APP: variants seen among roughly 807,000 people sequenced by gnomAD.
APP encodes the protein amyloid-beta precursor protein.
Under a neutral mutation model 101.4 loss-of-function variants are expected in APP, and 31 were observed. That is an observed-to-expected ratio of 0.31 (90% CI 0.23 to 0.41). APP has a LOEUF of 0.41. Ranked by LOEUF, APP falls within the 10% of genes least tolerant of loss-of-function variation. The probability of loss-of-function intolerance (pLI) is 1.00; values close to 1 mark genes in which losing one functional copy is unlikely to be tolerated. For missense variants in APP, 839 were observed against 1,003.7 expected, an observed-to-expected ratio of 0.84 and a Z score of 2.22; for synonymous variants, 366 against 364.4, an observed-to-expected ratio of 1.00 and a Z score of -0.05.
chr21:26,061,722 G>T (rs1364279282), intron 3 of APP, among the ~76,000 whole-genome samples: 1 of 152,232 alleles, frequency 6.6e-6, no homozygotes, highest in Non-Finnish European at 1.5e-5. Flanking sequence ...CCGGATAATA[G>T]TGAGAACTGA....
chr21:26,166,617 A>G (rs556833932), intron 1 of APP, among the ~76,000 whole-genome samples: 2 of 152,300 alleles, frequency 1.3e-5, no homozygotes, highest in African/African-American at 4.8e-5. Context: ...GAAAAAAAAA[A>G]GATTTCATAA....
At chr21:25,955,796 A>G (rs199865763) in intron 11 of APP, 41 bp from the exon 12 acceptor site, 143 of 1,613,522 alleles carry the variant, frequency 8.9e-5, no homozygotes, top group Admixed American at 1.2e-4. Context: ...AAGTTTGTGC[A>G]AAACACTGCT....
chr21:26,004,311 C>G (rs1256327762), intron 6 of APP, among the ~76,000 whole-genome samples: 1 of 109,540 alleles, frequency 9.1e-6, no homozygotes, highest in Non-Finnish European at 1.7e-5. Flanking sequence ...GAGACAGAGT[C>G]TCGCTCTGTT....
Position 26,168,752 on chromosome 21 carries a change from AG to A in APP, c.57+1811del, listed in dbSNP as rs2063672593. 3.3e-5 allele frequency among the ~76,000 whole-genome samples: 5 copies of A among 152,352 alleles called. No individual in the cohort carries two copies. In the South Asian group the frequency reaches 1.0e-3, roughly 32 times the overall value. ...TCATGAGAGAAATCAGAATTCTCTT[AG>A]TTAAGTGCATTTTTTTAAAACATGG... On this transcript the variant is annotated intron_variant, in intron 1 of 17. Coordinates refer to ENST00000346798, the MANE Select transcript of APP (RefSeq NM_000484.4).
At chr21:26,165,426 T>G (rs1302151845) in intron 1 of APP, among the ~76,000 whole-genome samples, 1 of 152,224 alleles carries the variant, frequency 6.6e-6, no homozygotes, top group Non-Finnish European at 1.5e-5. Context: ...CACAGAAACT[T>G]GCCCATGGTC....
intron 5 of APP, among the ~76,000 whole-genome samples, chr21:26,031,355 T>C (rs543307404): frequency 1.3e-5 from 2 of 152,328 alleles, no homozygotes; most frequent in East Asian, 1.9e-4. Context: ...AGAAGCTGCA[T>C]GCTTCTGGGC....
chr21:26,019,729 T>C (rs548853753), intron 6 of APP, among the ~76,000 whole-genome samples: 103 of 151,056 alleles, frequency 6.8e-4, no homozygotes, highest in African/African-American at 2.2e-3. Flanking sequence ...GGACTTTCAG[T>C]CCCACTGCAG....
At chr21:26,160,686 CAG>C (rs2063471366) in intron 1 of APP, among the ~76,000 whole-genome samples, 1 of 152,048 alleles carries the variant, frequency 6.6e-6, no homozygotes, top group South Asian at 2.1e-4. Context: ...AAGACAATGA[CAG>C]AGAAATTTTC....
chr21:26,010,891 G>A (rs1043527412), intron 6 of APP, among the ~76,000 whole-genome samples: 4 of 151,098 alleles, frequency 2.6e-5, no homozygotes, highest in Non-Finnish European at 5.9e-5. Context: ...GCTGGTCTTG[G>A]TGAGGCACAC....
chr21:26,089,528 T>TTTTTA (rs2061774937), intron 3 of APP: 1 of 113,330 alleles, frequency 8.8e-6, no homozygotes, highest in East Asian at 2.6e-4. Context: ...TTTTTTTTTT[T>TTTTTA]AGAAATTAAC....
chr21:25,993,005 G>C (rs1267381910), intron 8 of APP, among the ~76,000 whole-genome samples: 2 of 152,196 alleles, frequency 1.3e-5, no homozygotes, highest in Admixed American at 1.3e-4. Flanking sequence ...CTGTCTTATG[G>C]CTCCTGTCTT....
intron 1 of APP, among the ~76,000 whole-genome samples, chr21:26,152,999 G>A (rs141960702): frequency 6.3e-4 from 96 of 152,272 alleles, no homozygotes; most frequent in Middle Eastern, 3.4e-3. Flanking sequence ...GCAACAACTT[G>A]GATAGAGCTG....
chr21:25,984,357 A>G (rs564776217), intron 8 of APP, among the ~76,000 whole-genome samples: 28 of 152,340 alleles, frequency 1.8e-4, no homozygotes, highest in African/African-American at 6.5e-4. Context: ...ACAGGATCAC[A>G]AAGTGCAACC....
At chr21:25,998,991 C>T (rs979668395) in intron 7 of APP, among the ~76,000 whole-genome samples, 1 of 152,178 alleles carries the variant, frequency 6.6e-6, no homozygotes, top group South Asian at 2.1e-4. Context: ...AAGAGAAAGA[C>T]TTTGAAAATT....
intron 6 of APP, among the ~76,000 whole-genome samples, chr21:26,014,003 G>C (rs774211703): frequency 5.2e-5 from 5 of 96,364 alleles, no homozygotes; most frequent in Non-Finnish European, 8.2e-5. Flanking sequence ...GACATCATTA[G>C]CAAGCATGCT....
At chr21:25,901,501 T>A (rs1462557513) in intron 15 of APP, among the ~76,000 whole-genome samples, 2 of 152,198 alleles carry the variant, frequency 1.3e-5, no homozygotes, top group East Asian at 3.8e-4. Context: ...GCTATAATAG[T>A]TCATGTTTGT....
chr21:25,954,543 G>A, intron 13 of APP, 47 bp downstream of exon 13: 1 of 1,512,492 alleles, frequency 6.6e-7, no homozygotes. Context: ...TTTCCTCTGG[G>A]GGAAAATACA....
At position 26,047,341 on chromosome 21, in the gene APP, C is replaced by T. The variant is rs568293261; in HGVS notation, c.662+3659G>A. ...GTTTCTCCTTCTTCAAGAATTGTCA[C>T]GTAGCATCCCCTGAAGATGTTTTAA... On this transcript the variant is annotated intron_variant, in intron 5 of 17. Transcript: ENST00000346798. 6.5e-4 allele frequency among the ~76,000 whole-genome samples: 99 copies of T among 152,202 alleles called. 1 individual carries two copies. The highest frequency in any genetic ancestry group is 9.3e-4 in the Non-Finnish European group (63 of 68,042).
intron 15 of APP, among the ~76,000 whole-genome samples, chr21:25,898,453 T>G (rs1054350392): frequency 5.3e-5 from 8 of 152,160 alleles, no homozygotes; most frequent in Admixed American, 2.6e-4. Context: ...AAGTAAAAAA[T>G]GTAAATGTCA....
Sources: allele counts gnomAD v4.1 joint callset (sites outside exome capture counted in the v4.1 genomes callset), GRCh38; gene constraint gnomAD v4.1.1; transcripts MANE v1.5; gene names NCBI Gene and HGNC (gene_info 2026-07-23, HGNC 2026-07-21).